The following CACNA1E variants were observed in gnomAD, a reference collection of about 807,000 sequenced individuals.
CACNA1E encodes calcium voltage-gated channel subunit alpha1 E, also known as voltage-dependent R-type calcium channel subunit alpha-1E.
CACNA1E carries 40 observed loss-of-function variants against 259.2 expected under a neutral mutation model. The observed-to-expected ratio is 0.15, with a 90% CI of 0.12 to 0.20. The LOEUF (loss-of-function observed/expected upper bound fraction) is 0.20. Ranked by LOEUF, CACNA1E falls within the 10% of genes least tolerant of loss-of-function variation. The pLI, the probability that CACNA1E is intolerant of heterozygous loss-of-function variation, is 1.00. For missense variants in CACNA1E, 1,874 were observed against 3,040.1 expected (o/e 0.62, Z 9.02); for synonymous variants, 1,104 against 1,138.5 (o/e 0.97, Z 0.61).
chr1:181,589,435 A>C (rs530859602), intron 6 of CACNA1E, among the ~76,000 whole-genome samples: 51 of 152,362 alleles, frequency 3.3e-4, no homozygotes, highest in Admixed American at 1.1e-3. Context: ...AAGAAGGGGC[A>C]ATAAGTCAGG....
Position 181,758,280 on chromosome 1 carries a change from G to A in CACNA1E, c.4494+169G>A, listed in dbSNP as rs1658264514. Among the ~76,000 whole-genome samples, 1 of 152,220 alleles carries A rather than the reference G, an allele frequency of 6.6e-6. No individual in the cohort carries two copies. The highest frequency in any genetic ancestry group is 1.5e-5 in the Non-Finnish European group (1 of 68,020). On this transcript the variant is annotated intron_variant, in intron 31 of 47. Transcript: ENST00000367573. The surrounding 1 kb of genome is among the most constrained non-coding windows in gnomAD (Gnocchi z 4.2). ...CAATAACCCAACCTCTGGGGCTTTG[G>A]GGGTCCACTGAGCAAAATGCAGTGC...
intron 6 of CACNA1E, among the ~76,000 whole-genome samples, chr1:181,648,086 C>T (rs1372746581): frequency 6.6e-6 from 1 of 152,186 alleles, no homozygotes; most frequent in Non-Finnish European, 1.5e-5. Flanking sequence ...TTTCATCCAG[C>T]AGGCCCCACT....
At chr1:181,426,863 A>G (rs1172084561) in intron 2 of CACNA1E, among the ~76,000 whole-genome samples, 5 of 142,088 alleles carry the variant, frequency 3.5e-5, no homozygotes, top group Admixed American at 1.4e-4. Context: ...ACCCCTTCAC[A>G]ACTCAACCCC....
chr1:181,583,103 TACACACAC>T (rs34193608), intron 6 of CACNA1E, among the ~76,000 whole-genome samples: 4,647 of 145,038 alleles, frequency 0.032, 125 homozygotes, highest in East Asian at 0.12. Flanking sequence ...GGACTGTTCC[TACACACAC>T]ACACACACAC....
At chr1:181,344,852 C>G (rs554498280) in intron 1 of CACNA1E, among the ~76,000 whole-genome samples, 105 of 152,344 alleles carry the variant, frequency 6.9e-4, no homozygotes, top group African/African-American at 2.5e-3. Context: ...GCCCCAGTTG[C>G]CTCTGGTTTA....
intron 1 of CACNA1E, among the ~76,000 whole-genome samples, chr1:181,395,011 G>A (rs557859827): frequency 2.9e-4 from 44 of 152,260 alleles, no homozygotes; most frequent in African/African-American, 1.0e-3. Context: ...AGAGAGGAAT[G>A]ATGTGCTCTG....
intron 6 of CACNA1E, among the ~76,000 whole-genome samples, chr1:181,629,052 C>T (rs963546651): frequency 4.6e-5 from 7 of 152,132 alleles, no homozygotes; most frequent in African/African-American, 1.4e-4. Context: ...CCTAGGAGTA[C>T]AGAGAAGCTG....
chr1:181,788,235 A>C (rs183909602), intron 43 of CACNA1E, among the ~76,000 whole-genome samples: 62 of 152,270 alleles, frequency 4.1e-4, no homozygotes, highest in Middle Eastern at 6.8e-3. Context: ...GAAGCAAAGG[A>C]TTCTGGGTGA....
chr1:181,722,756 C>T (rs994788821), intron 16 of CACNA1E, among the ~76,000 whole-genome samples: 2 of 152,138 alleles, frequency 1.3e-5, no homozygotes, highest in African/African-American at 4.8e-5. Flanking sequence ...AAAGGCAGAA[C>T]CATGGGACGC....
chr1:181,788,379 G>A (rs1478602302), intron 43 of CACNA1E, among the ~76,000 whole-genome samples: 2 of 152,148 alleles, frequency 1.3e-5, no homozygotes, highest in Non-Finnish European at 2.9e-5. Context: ...TATAGTGGTA[G>A]ACATAACAGA....
intron 7 of CACNA1E, among the ~76,000 whole-genome samples, chr1:181,667,188 A>G (rs748973438): frequency 1.3e-4 from 20 of 152,168 alleles, no homozygotes; most frequent in Non-Finnish European, 2.6e-4. Flanking sequence ...TTGATAAGTA[A>G]TAAGATTGTA....
chr1:181,731,931 A>G (rs1655519311), intron 19 of CACNA1E, among the ~76,000 whole-genome samples: 2 of 151,834 alleles, frequency 1.3e-5, no homozygotes, highest in Non-Finnish European at 2.9e-5. Context: ...AGCCCTCATT[A>G]TCCCGGGCTG....
chr1:181,505,582 G>T (rs1051243991), intron 1 of CACNA1E, among the ~76,000 whole-genome samples: 4 of 152,002 alleles, frequency 2.6e-5, no homozygotes, highest in African/African-American at 9.7e-5. Context: ...CACCGTGTTA[G>T]CCAGGATGAT....
chr1:181,382,500 T>A lies in CACNA1E; in HGVS notation c.-14-30633T>A, dbSNP rs561819452. 1.2e-4 allele frequency among the ~76,000 whole-genome samples: 18 copies of A among 152,190 alleles called. No homozygotes were observed. In the East Asian group the frequency reaches 3.5e-3, roughly 29 times the overall value. ...GTGACTTGGGCTAGGTTAATGGCAGTGGAGAGGAAGAATTTAAGGTAGGAA... is the reference window on the plus strand; with the variant it reads ...GTGACTTGGGCTAGGTTAATGGCAGAGGAGAGGAAGAATTTAAGGTAGGAA... On this transcript the variant is annotated intron_variant, in intron 1 of 11. Coordinates refer to the CACNA1E transcript ENST00000524607.
chr1:181,638,920 C>T (rs952691826), intron 6 of CACNA1E, among the ~76,000 whole-genome samples: 9 of 152,172 alleles, frequency 5.9e-5, no homozygotes, highest in Admixed American at 3.3e-4. Context: ...TCAGTTAAAC[C>T]TCTTTCCTTA....
At chr1:181,447,890 C>T (rs1660896692) in intron 2 of CACNA1E, among the ~76,000 whole-genome samples, 1 of 152,194 alleles carries the variant, frequency 6.6e-6, no homozygotes, top group Non-Finnish European at 1.5e-5. Flanking sequence ...CTTGTGGCCT[C>T]TTCTCTCCAT....
intron 1 of CACNA1E, among the ~76,000 whole-genome samples, chr1:181,495,544 A>G (rs1373250096): frequency 6.6e-6 from 1 of 152,256 alleles, no homozygotes; most frequent in African/African-American, 2.4e-5. Flanking sequence ...AATTTCAGAT[A>G]CATAAACATT....
chr1:181,694,665 G>A (rs1480906418), intron 7 of CACNA1E, among the ~76,000 whole-genome samples: 1 of 152,150 alleles, frequency 6.6e-6, no homozygotes, highest in South Asian at 2.1e-4. Flanking sequence ...AGAACAATGA[G>A]CCATGTTAAT....
intron 6 of CACNA1E, among the ~76,000 whole-genome samples, chr1:181,619,026 A>G (rs1282191325): frequency 2.0e-5 from 3 of 152,180 alleles, no homozygotes; most frequent in African/African-American, 7.2e-5. Context: ...GTTGAGTATC[A>G]ATATTATATA....
Sources: gnomAD v4.1 joint callset for allele counts (sites outside exome capture counted in the v4.1 genomes callset) on GRCh38, gnomAD v4.1.1 for gene constraint, Gnocchi (gnomAD v3.1) non-coding constraint, MANE v1.5 for transcripts, NCBI Gene and HGNC (gene_info 2026-07-23, HGNC 2026-07-21) for gene names.